The following PRDM16 variants were observed in gnomAD, a reference collection of about 807,000 sequenced individuals.
PRDM16 encodes histone-lysine N-methyltransferase PRDM16.
In PRDM16, 23 loss-of-function variants were observed where a neutral mutation model predicts 110.6. The ratio of observed to expected loss-of-function variants is 0.21; its 90% CI spans 0.15 to 0.29. The LOEUF (loss-of-function observed/expected upper bound fraction) is 0.29, where lower values mean the gene tolerates loss of function less well. Ranked by LOEUF, PRDM16 falls within the 10% of genes least tolerant of loss-of-function variation. The pLI is 1.00. For synonymous variants in PRDM16, 799 were observed against 781.8 expected, an observed-to-expected ratio of 1.02 and a Z score of -0.37; for missense variants, 1,615 against 1,794.3, an observed-to-expected ratio of 0.90 and a Z score of 1.81.
At chr1:3,254,515 AACAG>A (rs527289693) in intron 3 of PRDM16, among the ~76,000 whole-genome samples, 3,865 of 152,308 alleles carry the variant, frequency 0.025, 93 homozygotes, top group Non-Finnish European at 0.042. Context: ...ATATACCAAT[AACAG>A]ACAGAGAGCC....
intron 3 of PRDM16, among the ~76,000 whole-genome samples, chr1:3,374,581 C>A (rs552774622): frequency 2.1e-4 from 32 of 152,270 alleles, no homozygotes; most frequent in African/African-American, 5.8e-4. Flanking sequence ...AGCCAAGGGC[C>A]CTCTGTGCGA....
At chr1:3,134,540 C>G (rs1299462025) in intron 1 of PRDM16, among the ~76,000 whole-genome samples, 2 of 152,234 alleles carry the variant, frequency 1.3e-5, no homozygotes, top group East Asian at 3.9e-4. Flanking sequence ...TGGGAAGCCC[C>G]GTCCTGCTTA....
chr1:3,174,356 G>A (rs1479512197), intron 1 of PRDM16, among the ~76,000 whole-genome samples: 1 of 152,156 alleles, frequency 6.6e-6, no homozygotes, highest in African/African-American at 2.4e-5. Flanking sequence ...ACATTCTGAG[G>A]CCTGGGGGTT....
At chr1:3,185,218 C>T (rs1008693388) in intron 1 of PRDM16, among the ~76,000 whole-genome samples, 1 of 152,094 alleles carries the variant, frequency 6.6e-6, no homozygotes, top group African/African-American at 2.4e-5. Flanking sequence ...GTTTCGGCTG[C>T]ACACACACAC....
intron 3 of PRDM16, among the ~76,000 whole-genome samples, chr1:3,337,738 G>A (rs1346415045): frequency 6.6e-6 from 1 of 152,188 alleles, no homozygotes; most frequent in Non-Finnish European, 1.5e-5. Flanking sequence ...CTCTGGTTGG[G>A]GATCCCCAGA....
intron 1 of PRDM16, among the ~76,000 whole-genome samples, chr1:3,129,450 T>C (rs976850990): frequency 1.3e-5 from 2 of 151,886 alleles, no homozygotes; most frequent in Admixed American, 6.6e-5. Flanking sequence ...GGTGTGCATG[T>C]GTCTGTGTGT....
intron 1 of PRDM16, among the ~76,000 whole-genome samples, chr1:3,124,014 G>T (rs1643151406): frequency 2.0e-5 from 3 of 152,340 alleles, no homozygotes; most frequent in Middle Eastern, 3.4e-3. Flanking sequence ...CCTTCTCCCA[G>T]GCTTTGTGTG....
chr1:3,227,144 A>C (rs1309811001), intron 2 of PRDM16, among the ~76,000 whole-genome samples: 10 of 152,262 alleles, frequency 6.6e-5, no homozygotes, highest in Non-Finnish European at 1.5e-4. Flanking sequence ...ATGCCTTTGC[A>C]GGAGCCAGCC....
At position 3,411,904 on chromosome 1, in the gene PRDM16, G is replaced by C; in HGVS notation, c.1707G>C (p.Thr569=). 1 of 1,613,668 alleles carries C rather than the reference G, an allele frequency of 6.2e-7. No homozygotes were observed. ...CCGTCAGCAACAGCAGCCAGGGCAC[G>C]ACGGCAGCTGCGGGGCCCGAGGAGA... is the stretch of plus-strand genomic sequence containing the variant. ...VSAVSNSSQG[T]TAAAGPEEKF... The change falls in exon 9 of 17, where the codon ACG becomes ACC. Residue 569 remains threonine (T), a synonymous_variant. Coordinates refer to ENST00000270722, the MANE Select transcript of PRDM16 (RefSeq NM_022114.4).
intron 2 of PRDM16, among the ~76,000 whole-genome samples, chr1:3,203,595 G>A (rs1252600225): frequency 6.6e-6 from 1 of 152,166 alleles, no homozygotes; most frequent in East Asian, 1.9e-4. Context: ...GGGGGCCAGG[G>A]TGTGGTGCAG....
At chr1:3,253,027 G>T (rs12409638) in intron 3 of PRDM16, among the ~76,000 whole-genome samples, 17,646 of 152,036 alleles carry the variant, frequency 0.12, 1,462 homozygotes, top group Admixed American at 0.25. Context: ...CCTCGAGCCT[G>T]CGCGCTGCTG....
At chr1:3,306,351 T>G (rs966315950) in intron 3 of PRDM16, among the ~76,000 whole-genome samples, 3 of 152,258 alleles carry the variant, frequency 2.0e-5, no homozygotes. Context: ...AGACACAGGG[T>G]GCACATGTTA....
chr1:3,218,373 T>C (rs930785085), intron 2 of PRDM16, among the ~76,000 whole-genome samples: 3 of 152,200 alleles, frequency 2.0e-5, no homozygotes, highest in Admixed American at 6.5e-5. Context: ...ACCCGTTAGG[T>C]GCTGGCCAGC....
chr1:3,123,594 C>T (rs990457589), intron 1 of PRDM16, among the ~76,000 whole-genome samples: 1 of 152,252 alleles, frequency 6.6e-6, no homozygotes, highest in African/African-American at 2.4e-5. Context: ...TCCAGTGCAG[C>T]AGGTGCTGCT....
intron 3 of PRDM16, among the ~76,000 whole-genome samples, chr1:3,365,272 C>A (rs1642788964): frequency 6.6e-6 from 1 of 152,174 alleles, no homozygotes; most frequent in Non-Finnish European, 1.5e-5. Flanking sequence ...GCTGTGGCAC[C>A]AACAAACCCC....
At chr1:3,199,252 G>T (rs368259384) in intron 2 of PRDM16, among the ~76,000 whole-genome samples, 3 of 149,678 alleles carry the variant, frequency 2.0e-5, no homozygotes, top group Admixed American at 6.6e-5. Flanking sequence ...TGTGGGCGGA[G>T]AGCCATAGCC....
At chr1:3,348,677 C>T (rs956264867) in intron 3 of PRDM16, among the ~76,000 whole-genome samples, 1 of 152,254 alleles carries the variant, frequency 6.6e-6, no homozygotes, top group Non-Finnish European at 1.5e-5. Context: ...TGCCACCAAG[C>T]CCTGTCCCTG....
At chr1:3,338,538 G>A (rs1010387084) in intron 3 of PRDM16, among the ~76,000 whole-genome samples, 3 of 152,188 alleles carry the variant, frequency 2.0e-5, no homozygotes, top group Admixed American at 6.5e-5. Context: ...GGGGAAAGCC[G>A]CCTCTTCTGT....
chr1:3,176,284 A>G (rs1644088073), intron 1 of PRDM16, among the ~76,000 whole-genome samples: 1 of 152,156 alleles, frequency 6.6e-6, no homozygotes, highest in Admixed American at 6.5e-5. Flanking sequence ...CCATCCATCC[A>G]TCCATCTATC....
Sources: allele counts gnomAD v4.1 joint callset (sites outside exome capture counted in the v4.1 genomes callset), GRCh38; gene constraint gnomAD v4.1.1; transcripts MANE v1.5; gene names NCBI Gene and HGNC (gene_info 2026-07-23, HGNC 2026-07-21).